The following EXO1 variants were observed in gnomAD, a reference collection of about 807,000 sequenced individuals.
EXO1 encodes exonuclease 1.
A neutral mutation model predicts 84.5 loss-of-function variants in EXO1; 69 were observed. That is an observed-to-expected ratio of 0.82 (90% CI 0.67 to 1.00). EXO1 has a LOEUF of 1.00. Ranked by LOEUF, EXO1 falls within the 50% of genes least tolerant of loss-of-function variation. EXO1 has a pLI of 0.00. For synonymous variants in EXO1, 373 were observed against 366.1 expected (o/e 1.02, Z -0.21); for missense variants, 1,045 against 1,000.7 (o/e 1.04, Z -0.60).
intron 4 of EXO1, among the ~76,000 whole-genome samples, chr1:241,851,072 C>T (rs373988489): frequency 3.4e-4 from 52 of 152,084 alleles, no homozygotes; most frequent in South Asian, 1.7e-3. Flanking sequence ...TCAAGTGATC[C>T]GCCTGCTTTG....
chr1:241,852,436 C>T, intron 5 of EXO1, 25 bp downstream of exon 5: 3 of 1,590,090 alleles, frequency 1.9e-6, no homozygotes, highest in Non-Finnish European at 2.6e-6. Context: ...TACTTAATCT[C>T]TAACTTCATT....
chr1:241,872,742 C>T (rs534598224), intron 12 of EXO1, among the ~76,000 whole-genome samples: 317 of 152,254 alleles, frequency 2.1e-3, no homozygotes, highest in African/African-American at 7.4e-3. Flanking sequence ...ATTTTCTATA[C>T]CCAGCCTATC....
At chr1:241,869,722 T>TCTTC (rs912138909) in intron 11 of EXO1, among the ~76,000 whole-genome samples, 3 of 149,594 alleles carry the variant, frequency 2.0e-5, no homozygotes, top group South Asian at 4.3e-4. Flanking sequence ...TGTACATTCA[T>TCTTC]CTTCCTTCCT....
chr1:241,869,698 T>C (rs1018015519), intron 11 of EXO1, among the ~76,000 whole-genome samples: 2 of 152,166 alleles, frequency 1.3e-5, no homozygotes, highest in East Asian at 3.8e-4. Flanking sequence ...ATACTTGTTA[T>C]ATAAGAAGTA....
intron 13 of EXO1, among the ~76,000 whole-genome samples, chr1:241,880,432 G>A (rs1450234619): frequency 6.6e-6 from 1 of 152,156 alleles, no homozygotes; most frequent in Admixed American, 6.6e-5. Flanking sequence ...GTTTTCCTGA[G>A]AAGCCTTATC....
At chr1:241,878,711 T>C in intron 12 of EXO1, 38 bp from the exon 13 acceptor site, 1 of 1,294,020 alleles carries the variant, frequency 7.7e-7, no homozygotes, top group South Asian at 1.2e-5. Flanking sequence ...TCTAAAATAC[T>C]CATACTTACT....
At position 241,867,052 on chromosome 1, in the gene EXO1, A is replaced by G; in HGVS notation, c.1264A>G (p.Ser422Gly). The G allele has an allele frequency of 6.2e-7, 1 of 1,610,204 alleles. No individual in the cohort carries two copies. Among genetic ancestry groups the G allele is most frequent in the Non-Finnish European group, 8.5e-7 (1 of 1,176,510 alleles). ...RKSSIVKRPR[S>G]AELSEDDLLS... is the part of the protein sequence containing the mutation. ...ATCATCCATTGTGAAAAGACCAAGA[A>G]GTGGTACGTATTTCAGTTTTGCAAA... The change falls in exon 11 of 16, where the codon AGT becomes GGT. Residue 422 changes from serine (S) to glycine (G), a missense_variant. Transcript: ENST00000366548.
rs1256966329 is a variant in EXO1, at chr1:241,879,232, C to G, written c.1998C>G (p.Pro666=). 1.9e-6 allele frequency: 3 copies of G among 1,600,572 alleles called. No homozygotes were observed. Among genetic ancestry groups the G allele is most frequent in the Admixed American group, 1.7e-5 (1 of 58,180 alleles). ...SEESSDDESH[P]LREEACSSQS... ...AGTCCAGTGACGATGAGTCTCATCC[C>G]TTACGAGAAGAGGCATGTTCTTCAC... The change falls in exon 13 of 16, where the codon CCC becomes CCG. Residue 666 remains proline, a synonymous_variant. Coordinates refer to ENST00000366548, the MANE Select transcript of EXO1 (RefSeq NM_130398.4).
rs545718545 is a variant in EXO1 at position 241,872,529 on chromosome 1, G to T, written c.1514+251G>T. On this transcript the variant is annotated intron_variant, in intron 12 of 15. Transcript: ENST00000366548. ...AGCCCCCTACCCTGCCACAGGCCGG[G>T]GTGTGTGATGTTCCCCTCCTTGTGT... is the stretch of plus-strand genomic sequence containing the variant. Among the ~76,000 whole-genome samples, 122 of 151,974 alleles carry T rather than the reference G, an allele frequency of 8.0e-4. 2 individuals are homozygous for T. Among genetic ancestry groups the T allele is most frequent in the African/African-American group, 2.9e-3 (121 of 41,436 alleles).
intron 13 of EXO1, 134 bp from the exon 14 acceptor site, chr1:241,881,782 A>G (rs1662769962): frequency 1.9e-6 from 1 of 539,842 alleles, no homozygotes; most frequent in African/African-American, 1.9e-5. Context: ...TCCTTTCCAT[A>G]TTATTCATTT....
chr1:241,858,660 T>C lies in EXO1; in HGVS notation c.698T>C (p.Ile233Thr), dbSNP rs754255056. Residue 233 changes from isoleucine (I) to threonine (T), a missense_variant, in exon 8 of 16, where the codon ATT becomes ACT. By Grantham distance (89) the Ile-to-Thr change is moderately conservative. Coordinates refer to ENST00000366548, the MANE Select transcript of EXO1 (RefSeq NM_130398.4). Reference protein sequence around the residue: ...GCDYLSSLRGIGLAKACKVLR... With the variant: ...GCDYLSSLRGTGLAKACKVLR... Reference sequence around the variant, plus strand: ...GACTACCTGTCATCACTGCGTGGGATTGGATTAGCAAAGGCATGCAAAGTC... The same window carrying C: ...GACTACCTGTCATCACTGCGTGGGACTGGATTAGCAAAGGCATGCAAAGTC... 1.2e-5 allele frequency: 20 copies of C among 1,614,122 alleles called. No homozygotes were observed. The highest frequency in any genetic ancestry group is 9.9e-5 in the South Asian group (9 of 91,082).
At chr1:241,868,633 G>A (rs930800197) in intron 11 of EXO1, among the ~76,000 whole-genome samples, 4 of 152,066 alleles carry the variant, frequency 2.6e-5, no homozygotes, top group Admixed American at 6.5e-5. Flanking sequence ...ACATCACTGC[G>A]CCCCAGCCTG....
At chr1:241,875,165 A>G (rs141036861) in intron 12 of EXO1, among the ~76,000 whole-genome samples, 2,385 of 152,154 alleles carry the variant, frequency 0.016, 175 homozygotes, top group Admixed American at 0.13. Flanking sequence ...CACCATGCCC[A>G]GCTAATTTTT....
At chr1:241,886,383 T>G (rs1296348228) in intron 15 of EXO1, among the ~76,000 whole-genome samples, 1 of 152,228 alleles carries the variant, frequency 6.6e-6, no homozygotes, top group Non-Finnish European at 1.5e-5. Flanking sequence ...TAGCATTACC[T>G]TATAGCTATT....
Position 241,857,358 on chromosome 1 carries a change from A to AG in EXO1, c.424dup (p.Val142GlyfsTer9), listed in dbSNP as rs1491410510. Reference sequence around the variant, plus strand: ...TCTCTCTTCTAGGCTGCCCGGTCTCAGGGGGTAGATTGCCTCGTGGCTCCC... The same window carrying AG: ...TCTCTCTTCTAGGCTGCCCGGTCTCAGGGGGGTAGATTGCCTCGTGGCTCCC... On this transcript the variant is annotated frameshift_variant, in exon 7 of 16. Transcript: ENST00000366548. LOFTEE classifies it high-confidence loss of function. 1.2e-6 allele frequency: 2 copies of AG among 1,613,710 alleles called. No homozygotes were observed. Among genetic ancestry groups the AG allele is most frequent in the Non-Finnish European group, 1.7e-6 (2 of 1,179,766 alleles).
Position 241,867,061 on chromosome 1 carries a change from T to C in EXO1, c.1267+6T>C. The C allele has an allele frequency of 2.5e-6, 4 of 1,605,690 alleles. No individual in the cohort carries two copies. The South Asian group carries it at 3.3e-5, about 13-fold the overall frequency. On this transcript the variant is annotated splice_donor_region_variant and intron_variant, in intron 11 of 15. Coordinates refer to ENST00000366548, the MANE Select transcript of EXO1 (RefSeq NM_130398.4). ...TGTGAAAAGACCAAGAAGTGGTACGTATTTCAGTTTTGCAAAATGCTGGTG... is the reference window on the plus strand; with the variant it reads ...TGTGAAAAGACCAAGAAGTGGTACGCATTTCAGTTTTGCAAAATGCTGGTG...
Position 241,850,528 on chromosome 1 carries a change from C to T in EXO1, c.103C>T (p.Leu35Phe), listed in dbSNP as rs1410151455. ...AGTAGCTGTGGATACATATTGCTGG[C>T]TTCACAAAGGAGCTATTGCTTGTGC... Reference protein sequence around the residue: ...QVVAVDTYCWLHKGAIACAEK... With the variant: ...QVVAVDTYCWFHKGAIACAEK... Residue 35 changes from leucine (L) to phenylalanine (F), a missense_variant, in exon 4 of 16, where the codon CTT becomes TTT. Leu to Phe is a conservative substitution (Grantham distance 22). Coordinates refer to ENST00000366548, the MANE Select transcript of EXO1 (RefSeq NM_130398.4). The T allele has an allele frequency of 6.2e-7, 1 of 1,613,982 alleles. No homozygotes were observed. Among genetic ancestry groups the T allele is most frequent in the Non-Finnish European group, 8.5e-7 (1 of 1,179,896 alleles).
intron 11 of EXO1, 101 bp downstream of exon 11, chr1:241,867,156 A>T (rs1173676643): frequency 2.3e-6 from 2 of 878,580 alleles, no homozygotes; most frequent in East Asian, 2.6e-5. Flanking sequence ...GTTTTCTCCT[A>T]GAAGTTTTAT....
At position 241,878,871 on chromosome 1, in the gene EXO1, A is replaced by G. The variant is rs1379120511; in HGVS notation, c.1637A>G (p.Glu546Gly). 3 of 1,614,140 alleles carry G rather than the reference A, an allele frequency of 1.9e-6. No individual in the cohort carries two copies. The East Asian group carries it at 6.7e-5, about 36-fold the overall frequency. Residue 546 changes from glutamate to glycine, a missense_variant, in exon 13 of 16, where the codon GAA becomes GGA. By Grantham distance (98) the Glu-to-Gly change is moderately conservative. Transcript: ENST00000366548. The part of the protein sequence containing the change: ...NLHESEYGDQ[E>G]GKRLVDTDVA... Reference sequence around the variant, plus strand: ...CATGAATCAGAGTATGGAGACCAAGAAGGCAAGAGACTGGTTGACACAGAT... The same window carrying G: ...CATGAATCAGAGTATGGAGACCAAGGAGGCAAGAGACTGGTTGACACAGAT...
Sources: allele counts gnomAD v4.1 joint callset (sites outside exome capture counted in the v4.1 genomes callset), GRCh38; gene constraint gnomAD v4.1.1; transcripts MANE v1.5; gene names NCBI Gene and HGNC (gene_info 2026-07-23, HGNC 2026-07-21).